Variants in MXRA7 observed in about 807,000 individuals in gnomAD.
The protein encoded by MXRA7 is matrix remodeling associated 7, also known as matrix-remodeling-associated protein 7.
Under a neutral mutation model 17.4 loss-of-function variants are expected in MXRA7, and 18 were observed. The observed-to-expected ratio is 1.03, with a 90% CI of 0.71 to 1.53. MXRA7 has a LOEUF of 1.53. Ranked by LOEUF, MXRA7 falls within the 40% of genes most tolerant of loss-of-function variation. The probability of loss-of-function intolerance (pLI) is 0.00; values close to 1 mark genes in which losing one functional copy is unlikely to be tolerated. For synonymous variants in MXRA7, 70 were observed against 101.7 expected, an observed-to-expected ratio of 0.69 and a Z score of 1.87; for missense variants, 141 against 209.3, an observed-to-expected ratio of 0.67 and a Z score of 2.01.
intron 2 of MXRA7, among the ~76,000 whole-genome samples, chr17:76,686,093 C>T (rs1394249755): frequency 6.6e-6 from 1 of 152,182 alleles, no homozygotes; most frequent in South Asian, 2.1e-4. Flanking sequence ...TAGCTTGCAG[C>T]CTTCATGCTA....
At chr17:76,673,994 T>G (rs1451978471) in exon 4 of MXRA7, 1 of 152,274 alleles carries the variant, frequency 6.6e-6, no homozygotes, top group African/African-American at 2.4e-5. Flanking sequence ...GCTATTTGTG[T>G]CATGTAGGCA....
intron 1 of MXRA7, among the ~76,000 whole-genome samples, chr17:76,697,197 A>T (rs867655448): frequency 2.0e-5 from 3 of 152,208 alleles, no homozygotes; most frequent in Non-Finnish European, 2.9e-5. Flanking sequence ...TGCTGTCCTT[A>T]TAAGAGGAAA....
intron 1 of MXRA7, among the ~76,000 whole-genome samples, chr17:76,694,368 G>C (rs1299146505): frequency 6.6e-6 from 1 of 152,098 alleles, no homozygotes; most frequent in Non-Finnish European, 1.5e-5. Context: ...TGCAGGCCAA[G>C]AACATCTCAA....
At chr17:76,685,026 CT>C (rs2076368958) in intron 3 of MXRA7, 45 bp downstream of exon 3, 2 of 1,532,922 alleles carry the variant, frequency 1.3e-6, no homozygotes, top group Non-Finnish European at 9.0e-7. Flanking sequence ...GGGCACCCCC[CT>C]CCCCCAAGAG....
intron 1 of MXRA7, among the ~76,000 whole-genome samples, chr17:76,707,009 CTAAGGA>C (rs1046369907): frequency 6.6e-5 from 10 of 152,126 alleles, no homozygotes; most frequent in Non-Finnish European, 2.9e-5. Context: ...CTGCATCTTC[CTAAGGA>C]TAAGGACATT....
chr17:76,704,614 G>A (rs150171140), intron 1 of MXRA7, among the ~76,000 whole-genome samples: 3,209 of 150,214 alleles, frequency 0.021, 117 homozygotes, highest in East Asian at 0.13. Context: ...GCGAAACCCC[G>A]CCTCTACTAA....
chr17:76,690,914 A>T (rs1356386734), intron 1 of MXRA7, among the ~76,000 whole-genome samples: 1 of 152,004 alleles, frequency 6.6e-6, no homozygotes, highest in African/African-American at 2.4e-5. Flanking sequence ...CCTAAGTTAC[A>T]GGGGTGCTAG....
At chr17:76,688,511 G>T (rs1192160627) in intron 1 of MXRA7, 2 of 1,314,114 alleles carry the variant, frequency 1.5e-6, no homozygotes, top group Non-Finnish European at 1.9e-6. Context: ...CGACGCTGCG[G>T]CCAGCAGACA....
intron 2 of MXRA7, 107 bp downstream of exon 2, chr17:76,688,006 C>A: frequency 1.1e-6 from 1 of 879,560 alleles, no homozygotes; most frequent in South Asian, 1.5e-5. Context: ...CTGTCCCACC[C>A]CATCCCTCCC....
At chr17:76,694,008 C>T (rs1242884403) in intron 1 of MXRA7, among the ~76,000 whole-genome samples, 1 of 152,116 alleles carries the variant, frequency 6.6e-6, no homozygotes, top group Non-Finnish European at 1.5e-5. Context: ...TGCAGAAATC[C>T]CCTGTTCTTT....
chr17:76,689,952 A>C (rs1274759409), intron 1 of MXRA7: 2 of 151,946 alleles, frequency 1.3e-5, no homozygotes, highest in African/African-American at 4.8e-5. Context: ...TGGAGGTTGC[A>C]GTAAGCCAAG....
intron 1 of MXRA7, among the ~76,000 whole-genome samples, chr17:76,700,933 AG>A (rs1446518092): frequency 5.9e-5 from 9 of 152,144 alleles, no homozygotes; most frequent in South Asian, 2.1e-4. Context: ...TGTGCTGGGC[AG>A]GGTCCTGATG....
chr17:76,677,370 C>A (rs2076248819), downstream of MXRA7: 1 of 476,706 alleles, frequency 2.1e-6, no homozygotes, highest in South Asian at 3.5e-5. Flanking sequence ...CAAGCAGAAA[C>A]CAGAGGGGTC....
intron 1 of MXRA7, among the ~76,000 whole-genome samples, chr17:76,692,396 G>A (rs1240443222): frequency 6.6e-6 from 1 of 151,878 alleles, no homozygotes; most frequent in Non-Finnish European, 1.5e-5. Flanking sequence ...TGGGACTATG[G>A]GCATGTGCCA....
At chr17:76,682,991 G>C (rs1238616006) in intron 3 of MXRA7, among the ~76,000 whole-genome samples, 1 of 152,174 alleles carries the variant, frequency 6.6e-6, no homozygotes, top group Admixed American at 6.5e-5. Context: ...AAAATAAGGG[G>C]AAGGGATTTT....
At chr17:76,677,778 G>C, downstream of MXRA7, 2 of 1,020,610 alleles carry the variant, frequency 2.0e-6, no homozygotes, top group Middle Eastern at 2.1e-4. Flanking sequence ...TGTGCAGCCG[G>C]CGGAGTTGGG....
intron 1 of MXRA7, among the ~76,000 whole-genome samples, chr17:76,698,355 G>T (rs1332307237): frequency 2.7e-5 from 4 of 150,662 alleles, no homozygotes; most frequent in Non-Finnish European, 5.9e-5. Context: ...CTCATCTTTT[G>T]CAATGGGCGG....
At chr17:76,706,990 T>G (rs1399467339) in intron 1 of MXRA7, among the ~76,000 whole-genome samples, 1 of 152,160 alleles carries the variant, frequency 6.6e-6, no homozygotes, top group South Asian at 2.1e-4. Context: ...CATCCCAAAA[T>G]GTTTCAGCCT....
intron 3 of MXRA7, 130 bp downstream of exon 3, chr17:76,684,942 G>T (rs1394275887): frequency 1.3e-6 from 1 of 748,874 alleles, no homozygotes; most frequent in Non-Finnish European, 2.3e-6. Context: ...GGCGGTGGTT[G>T]GGCAGAGCGT....
Sources: allele counts gnomAD v4.1 joint callset (sites outside exome capture counted in the v4.1 genomes callset), GRCh38; gene constraint gnomAD v4.1.1; transcripts MANE v1.5; gene names NCBI Gene and HGNC (gene_info 2026-07-23, HGNC 2026-07-21).